XKR4: variants seen among roughly 807,000 people sequenced by gnomAD.
XKR4 encodes the protein XK related 4, also known as XK-related protein 4.
Under a neutral mutation model 53.9 loss-of-function variants are expected in XKR4, and 12 were observed. The observed-to-expected ratio is 0.22, with a 90% CI of 0.14 to 0.36. The LOEUF (loss-of-function observed/expected upper bound fraction) is 0.36, where lower values mean the gene tolerates loss of function less well. XKR4 is among the 10% of genes least tolerant of loss of function. The pLI, the probability that XKR4 is intolerant of heterozygous loss-of-function variation, is 1.00. For missense variants in XKR4, 799 were observed against 859.5 expected, an observed-to-expected ratio of 0.93 and a Z score of 0.88; for synonymous variants, 354 against 362.4, an observed-to-expected ratio of 0.98 and a Z score of 0.26.
chr8:55,243,595 A>G (rs1027299995), intron 1 of XKR4, among the ~76,000 whole-genome samples: 1 of 152,232 alleles, frequency 6.6e-6, no homozygotes, highest in African/African-American at 2.4e-5. Context: ...AAGGAACTCA[A>G]TTGCTGGGCC....
chr8:55,335,779 A>G (rs1803451128), intron 1 of XKR4, among the ~76,000 whole-genome samples: 1 of 152,194 alleles, frequency 6.6e-6, no homozygotes, highest in Non-Finnish European at 1.5e-5. Context: ...CAGCTTGGGT[A>G]GATCTCAAAG....
intron 2 of XKR4, among the ~76,000 whole-genome samples, chr8:55,370,643 T>C (rs974172852): frequency 1.3e-5 from 2 of 151,764 alleles, no homozygotes; most frequent in Non-Finnish European, 2.9e-5. Flanking sequence ...CATAGGAGAG[T>C]TGTGATTTTT....
chr8:55,180,596 G>A (rs1386652901), intron 1 of XKR4, among the ~76,000 whole-genome samples: 3 of 152,086 alleles, frequency 2.0e-5, no homozygotes, highest in African/African-American at 7.2e-5. Flanking sequence ...GCAATGGTGC[G>A]ATCTTGGTTC....
At chr8:55,245,222 A>G (rs1382512100) in intron 1 of XKR4, among the ~76,000 whole-genome samples, 1 of 151,812 alleles carries the variant, frequency 6.6e-6, no homozygotes, top group African/African-American at 2.4e-5. Context: ...CCTACTTTTT[A>G]ATGGGCTTGT....
chr8:55,315,857 C>T (rs1819466239), intron 1 of XKR4, among the ~76,000 whole-genome samples: 1 of 152,072 alleles, frequency 6.6e-6, no homozygotes, highest in East Asian at 1.9e-4. Flanking sequence ...CAAGTAAAAA[C>T]CTTAACACAG....
rs1806829521 is a variant in XKR4, at chr8:55,523,381, C to T, written c.1107C>T (p.Tyr369=). 3 of 1,614,226 alleles carry T rather than the reference C, an allele frequency of 1.9e-6. No homozygotes were observed. Among genetic ancestry groups the T allele is most frequent in the South Asian group, 1.1e-5 (1 of 91,086 alleles). Residue 369 remains tyrosine, a synonymous_variant, in exon 3 of 3, where the codon TAC becomes TAT. Coordinates refer to ENST00000327381, the MANE Select transcript of XKR4 (RefSeq NM_052898.2). ...GAGATGACAAGAAGCCCATCAGCTA[C>T]ATGGCCGTCATCATCCAGTTCTGCT... ...DSRDDKKPIS[Y]MAVIIQFCWH...
At chr8:55,241,553 AT>A (rs1160711118) in intron 1 of XKR4, among the ~76,000 whole-genome samples, 24 of 152,122 alleles carry the variant, frequency 1.6e-4, no homozygotes, top group Non-Finnish European at 1.5e-5. Context: ...CCTGGCACTG[AT>A]ATGTATGTTG....
intron 1 of XKR4, among the ~76,000 whole-genome samples, chr8:55,309,588 G>A (rs1202972064): frequency 6.6e-6 from 1 of 152,180 alleles, no homozygotes; most frequent in Non-Finnish European, 1.5e-5. Flanking sequence ...AGTGAAATGA[G>A]AGAAATATAA....
chr8:55,166,203 T>C (rs1450554306), intron 1 of XKR4, among the ~76,000 whole-genome samples: 1 of 152,224 alleles, frequency 6.6e-6, no homozygotes, highest in Non-Finnish European at 1.5e-5. Flanking sequence ...AATTCAACTG[T>C]ATCTATTATA....
chr8:55,524,484 T>C lies in XKR4; in HGVS notation c.*257T>C. ...CTCTCCATTGCTACCAAACTCCTCCTGCACGGTCTTGGGTGCACCCACCAG... is the reference window on the plus strand; with the variant it reads ...CTCTCCATTGCTACCAAACTCCTCCCGCACGGTCTTGGGTGCACCCACCAG... On this transcript the variant is annotated 3_prime_UTR_variant, in exon 3 of 3. Transcript: ENST00000327381. The C allele has an allele frequency of 1.9e-6, 1 of 519,206 alleles. No individual in the cohort carries two copies. The highest frequency in any genetic ancestry group is 3.3e-5 in the East Asian group (1 of 30,702). The allele number at this position is 519,206 out of a possible 1,614,324, so 32.2% of individuals were successfully genotyped here.
At position 55,533,167 on chromosome 8, in the gene XKR4, A is replaced by C. The variant is rs912241698; in HGVS notation, c.*8940A>C. Reference sequence around the variant, plus strand: ...TCGCACACCAGTAGAACGCATCTTAACACCAGCATTGCCATTGTGAGTCTA... The same window carrying C: ...TCGCACACCAGTAGAACGCATCTTACCACCAGCATTGCCATTGTGAGTCTA... On this transcript the variant is annotated 3_prime_UTR_variant, in exon 3 of 3. Transcript: ENST00000327381. The C allele has an allele frequency of 9.2e-5, 14 of 152,194 alleles. No homozygotes were observed. Among genetic ancestry groups the C allele is most frequent in the Admixed American group, 9.2e-4 (14 of 15,280 alleles). 9.4% of individuals were successfully genotyped at this position (152,194 alleles called of 1,614,324 possible). A position where few individuals can be genotyped will look rare whatever the true frequency, so the allele number is the denominator to read the frequency against.
At chr8:55,445,524 A>T (rs1164945116) in intron 2 of XKR4, among the ~76,000 whole-genome samples, 8 of 152,172 alleles carry the variant, frequency 5.3e-5, no homozygotes, top group African/African-American at 1.9e-4. Flanking sequence ...CTCGCAAAAT[A>T]TTTTCTCCCT....
intron 1 of XKR4, among the ~76,000 whole-genome samples, chr8:55,145,726 A>T (rs1217493555): frequency 6.6e-6 from 1 of 152,240 alleles, no homozygotes; most frequent in Non-Finnish European, 1.5e-5. Context: ...AACTTCTCTA[A>T]TTACATGTAT....
At chr8:55,425,097 A>G (rs114330093) in intron 2 of XKR4, among the ~76,000 whole-genome samples, 1 of 152,258 alleles carries the variant, frequency 6.6e-6, no homozygotes, top group African/African-American at 2.4e-5. Context: ...GTCCTCATCA[A>G]GCCCTATTGT....
chr8:55,190,565 A>T (rs949582108), intron 1 of XKR4, among the ~76,000 whole-genome samples: 1 of 152,346 alleles, frequency 6.6e-6, no homozygotes, highest in Admixed American at 6.5e-5. Flanking sequence ...CTGAATTTCT[A>T]TGTTTAAGAA....
intron 1 of XKR4, among the ~76,000 whole-genome samples, chr8:55,185,904 C>A (rs1817371084): frequency 1.3e-5 from 2 of 152,150 alleles, no homozygotes; most frequent in Admixed American, 1.3e-4. Context: ...TTTCATGTGA[C>A]CCTCTTAGAC....
intron 2 of XKR4, among the ~76,000 whole-genome samples, chr8:55,444,950 A>C (rs538741081): frequency 6.6e-6 from 1 of 152,234 alleles, no homozygotes; most frequent in Non-Finnish European, 1.5e-5. Context: ...TGATTGTAAA[A>C]AGGAAAAATA....
intron 2 of XKR4, among the ~76,000 whole-genome samples, chr8:55,408,722 C>A (rs769547504): frequency 5.9e-5 from 9 of 152,152 alleles, no homozygotes; most frequent in Non-Finnish European, 1.0e-4. Context: ...AAAGATGGAG[C>A]CACAAGCCGG....
At chr8:55,271,796 C>T (rs1585979344) in intron 1 of XKR4, among the ~76,000 whole-genome samples, 1 of 152,314 alleles carries the variant, frequency 6.6e-6, no homozygotes, top group South Asian at 2.1e-4. Flanking sequence ...AATTCCCAGC[C>T]ATTTGGGGCT....
Sources: allele counts gnomAD v4.1 joint callset (sites outside exome capture counted in the v4.1 genomes callset), GRCh38; gene constraint gnomAD v4.1.1; transcripts MANE v1.5; gene names NCBI Gene and HGNC (gene_info 2026-07-23, HGNC 2026-07-21).